RORB: variants seen among roughly 807,000 people sequenced by gnomAD.
The protein encoded by RORB is nuclear receptor ROR-beta.
RORB carries 6 observed loss-of-function variants against 59.1 expected under a neutral mutation model. That is an observed-to-expected ratio of 0.10 (90% CI 0.06 to 0.20). RORB has a LOEUF of 0.20. Ranked by LOEUF, RORB falls within the 10% of genes least tolerant of loss-of-function variation. RORB has a pLI of 1.00. For synonymous variants in RORB, 215 were observed against 204.5 expected, an observed-to-expected ratio of 1.05 and a Z score of -0.44; for missense variants, 320 against 560.5, an observed-to-expected ratio of 0.57 and a Z score of 4.33.
At chr9:74,674,784 A>G (rs1587418645) in intron 9 of RORB, among the ~76,000 whole-genome samples, 1 of 152,196 alleles carries the variant, frequency 6.6e-6, no homozygotes, top group Non-Finnish European at 1.5e-5. Context: ...TAAAACATCT[A>G]GTTTCTTCTC....
At position 74,642,903 on chromosome 9, in the gene RORB, AC is replaced by A. The variant is rs1427967784; in HGVS notation, c.637+89del. On this transcript the variant is annotated intron_variant, in intron 4 of 9. Transcript: ENST00000376896. ...TATTTAGTATGGTAATTTTCTTAAG[AC>A]TTAAATTGAATTACTTGGATTCACA... 2.0e-5 allele frequency: 19 copies of A among 970,850 alleles called. No individual in the cohort carries two copies. In the Middle Eastern group the frequency reaches 2.9e-3, roughly 150 times the overall value. The allele number at this position is 970,850 out of a possible 1,614,324, so 60.1% of individuals were successfully genotyped here.
intron 1 of RORB, among the ~76,000 whole-genome samples, chr9:74,512,765 G>A (rs1356835881): frequency 6.6e-6 from 1 of 152,050 alleles, no homozygotes; most frequent in Admixed American, 6.6e-5. Context: ...GTTTTTTTGT[G>A]TATTCTCTGA....
chr9:74,675,313 A>G (rs1824419764), intron 9 of RORB, among the ~76,000 whole-genome samples: 1 of 147,766 alleles, frequency 6.8e-6, no homozygotes, highest in Non-Finnish European at 1.5e-5. Flanking sequence ...AAAAAAAAAT[A>G]CATACATATA....
intron 9 of RORB, among the ~76,000 whole-genome samples, chr9:74,679,118 C>T (rs533761410): frequency 1.3e-4 from 20 of 151,774 alleles, no homozygotes; most frequent in Admixed American, 1.3e-3. Context: ...ATTAGAATTC[C>T]TAGCAGGTGG....
chr9:74,570,325 A>G (rs1481206393), intron 1 of RORB, among the ~76,000 whole-genome samples: 2 of 152,086 alleles, frequency 1.3e-5, no homozygotes, highest in African/African-American at 4.8e-5. Flanking sequence ...GTCATCTTTA[A>G]TGTATTTGAA....
chr9:74,618,549 T>G (rs939795292), intron 1 of RORB, among the ~76,000 whole-genome samples: 2 of 152,188 alleles, frequency 1.3e-5, no homozygotes, highest in African/African-American at 4.8e-5. Context: ...GCTCGTCTCT[T>G]TTTTTAACAC....
At chr9:74,678,476 T>C (rs1824485274) in intron 9 of RORB, among the ~76,000 whole-genome samples, 1 of 152,116 alleles carries the variant, frequency 6.6e-6, no homozygotes, top group Non-Finnish European at 1.5e-5. Flanking sequence ...ATAACAATAA[T>C]GAATTACTAA....
At chr9:74,594,305 G>A (rs1444016573) in intron 1 of RORB, among the ~76,000 whole-genome samples, 1 of 152,062 alleles carries the variant, frequency 6.6e-6, no homozygotes, top group African/African-American at 2.4e-5. Context: ...TGCATCCAAG[G>A]ACTCACAGCT....
At chr9:74,583,070 A>G (rs1290642379) in intron 1 of RORB, among the ~76,000 whole-genome samples, 1 of 152,096 alleles carries the variant, frequency 6.6e-6, no homozygotes, top group Non-Finnish European at 1.5e-5. Flanking sequence ...CATGTACACA[A>G]GTGGAAGGTT....
intron 1 of RORB, among the ~76,000 whole-genome samples, chr9:74,583,191 G>A (rs764907225): frequency 1.6e-4 from 24 of 152,126 alleles, no homozygotes; most frequent in Admixed American, 2.6e-4. Flanking sequence ...GCTCATGTAA[G>A]TGTTTCTTTT....
chr9:74,542,473 A>G (rs1826424027), intron 1 of RORB, among the ~76,000 whole-genome samples: 1 of 152,238 alleles, frequency 6.6e-6, no homozygotes, highest in African/African-American at 2.4e-5. Context: ...TCCTCAATGC[A>G]GCACAGAAAG....
intron 4 of RORB, among the ~76,000 whole-genome samples, chr9:74,653,329 G>A (rs997445904): frequency 6.6e-6 from 1 of 151,964 alleles, no homozygotes; most frequent in Non-Finnish European, 1.5e-5. Flanking sequence ...TTCCATTTTC[G>A]CACTAGTAGT....
intron 1 of RORB, among the ~76,000 whole-genome samples, chr9:74,610,002 G>GA (rs1823210114): frequency 6.6e-6 from 1 of 152,204 alleles, no homozygotes; most frequent in East Asian, 1.9e-4. Context: ...CCCTGCTCTA[G>GA]AACCTGCCTT....
intron 1 of RORB, among the ~76,000 whole-genome samples, chr9:74,573,989 G>C (rs1442737298): frequency 6.6e-6 from 1 of 152,122 alleles, no homozygotes; most frequent in Non-Finnish European, 1.5e-5. Context: ...GGAATGCGTG[G>C]GAGGCCAGGC....
In RORB at chr9:74,671,897, C is replaced by G; in HGVS notation, c.1220C>G (p.Ala407Gly). Residue 407 changes from alanine to glycine, a missense_variant, in exon 9 of 10, where the codon GCA becomes GGA. This residue lies in a region of RORB where 109 missense variants were observed against 171.0 expected (regional missense o/e 0.64). Coordinates refer to ENST00000376896, the MANE Select transcript of RORB (RefSeq NM_006914.4). ...AATCACCTGGATGATGAGACCTTGGCAAAGGTAGGTCCACAGATCACAGAG... is the reference window on the plus strand; with the variant it reads ...AATCACCTGGATGATGAGACCTTGGGAAAGGTAGGTCCACAGATCACAGAG... The part of the protein sequence containing the change: ...QKNHLDDETL[A>G]KLIAKIPTIT... The G allele has an allele frequency of 6.3e-7, 1 of 1,583,624 alleles. No individual in the cohort carries two copies. The highest frequency in any genetic ancestry group is 1.1e-5 in the South Asian group (1 of 89,536).
At chr9:74,634,017 C>T (rs1169698467) in intron 2 of RORB, among the ~76,000 whole-genome samples, 10 of 151,236 alleles carry the variant, frequency 6.6e-5, no homozygotes, top group Non-Finnish European at 8.8e-5. Context: ...ACACTATGAT[C>T]CTGCCTGCAA....
rs566533665 is a variant in RORB, at chr9:74,609,461, A to G, written c.8-20821A>G. On this transcript the variant is annotated intron_variant, in intron 1 of 9. Transcript: ENST00000376896. Reference sequence around the variant, plus strand: ...AAAATTTCTTTTTTTTCTTTTTAATATGACCCATACTGCCTCCAGAAGGAT... The same window carrying G: ...AAAATTTCTTTTTTTTCTTTTTAATGTGACCCATACTGCCTCCAGAAGGAT... Among the ~76,000 whole-genome samples the G allele has an allele frequency of 6.6e-5, 10 of 152,290 alleles. 1 individual carries two copies. In the South Asian group the frequency reaches 2.1e-3, roughly 32 times the overall value.
intron 9 of RORB, among the ~76,000 whole-genome samples, chr9:74,681,321 G>A (rs910158049): frequency 5.9e-5 from 9 of 152,198 alleles, no homozygotes; most frequent in African/African-American, 2.2e-4. Flanking sequence ...CTCTACACCA[G>A]GCCCTTCTGG....
At chr9:74,664,844 C>A (rs1200530053) in intron 6 of RORB, among the ~76,000 whole-genome samples, 1 of 152,182 alleles carries the variant, frequency 6.6e-6, no homozygotes, top group African/African-American at 2.4e-5. Context: ...CACTATGGGG[C>A]AAAAGCCCAT....
Sources: allele counts gnomAD v4.1 joint callset (sites outside exome capture counted in the v4.1 genomes callset), GRCh38; gene constraint gnomAD v4.1.1; regional missense constraint gnomAD v4.1.1; transcripts MANE v1.5; gene names NCBI Gene and HGNC (gene_info 2026-07-23, HGNC 2026-07-21).